The following TLN1 variants were observed in gnomAD, a reference collection of about 807,000 sequenced individuals.
The protein encoded by TLN1 is talin-1.
In TLN1, 56 loss-of-function variants were observed where a neutral mutation model predicts 292.3. That is an observed-to-expected ratio of 0.19 (90% CI 0.15 to 0.24). The LOEUF is 0.24. TLN1 is among the 10% of genes least tolerant of loss of function. The pLI, the probability that TLN1 is intolerant of heterozygous loss-of-function variation, is 1.00. For synonymous variants in TLN1, 1,119 were observed against 1,253.7 expected (o/e 0.89, Z 2.27); for missense variants, 2,433 against 3,248.2 (o/e 0.75, Z 6.10).
chr9:35,715,266 C>T lies in TLN1; in HGVS notation c.2626-79G>A, dbSNP rs1825757292. ...GAAGCTCCTCTCTCACTCCTCTAGA[C>T]TCAGTTTAAAATTCATGTATTTTCC... On this transcript the variant is annotated intron_variant, in intron 20 of 56. Coordinates refer to ENST00000314888, the MANE Select transcript of TLN1 (RefSeq NM_006289.4). 8.4e-6 allele frequency: 13 copies of T among 1,540,190 alleles called. No individual in the cohort carries two copies. The South Asian group carries it at 9.6e-5, about 11-fold the overall frequency.
At position 35,700,062 on chromosome 9, in the gene TLN1, T is replaced by C; in HGVS notation, c.6680A>G (p.Glu2227Gly). 6.2e-7 allele frequency: 1 copy of C among 1,612,826 alleles called. No individual in the cohort carries two copies. Among genetic ancestry groups the C allele is most frequent in the Non-Finnish European group, 8.5e-7 (1 of 1,179,100 alleles). ...TCGAAGCCGCACATCAGGGGCCACT[T>C]CTGGGTGGTAAGCTGCTTCCTGTCC... ...RACKEAAYHP[E>G]VAPDVRLRAL... is the part of the protein sequence containing the mutation. Residue 2227 changes from glutamate (E) to glycine (G), a missense_variant, in exon 50 of 57, where the codon GAA becomes GGA. By Grantham distance (98) the Glu-to-Gly change is moderately conservative. Around this residue, in one of 7 missense-constraint regions of TLN1, gnomAD observed 1,384 missense variants for 1,699.6 expected, o/e 0.81. Coordinates refer to ENST00000314888, the MANE Select transcript of TLN1 (RefSeq NM_006289.4).
intron 32 of TLN1, 23 bp from the exon 33 acceptor site, chr9:35,710,706 G>A (rs764312230): frequency 1.2e-6 from 2 of 1,613,924 alleles, no homozygotes; most frequent in South Asian, 1.1e-5. Context: ...GGACATCAGG[G>A]GAGTCAGAGC....
rs368624273 is a variant in TLN1, at chr9:35,714,661, C to T, written c.2898G>A (p.Leu966=). 226 of 1,613,942 alleles carry T rather than the reference C, an allele frequency of 1.4e-4. 2 individuals are homozygous for T. The South Asian group carries it at 1.9e-3, about 13-fold the overall frequency. The change falls in exon 23 of 57, where the codon CTG becomes CTA. Residue 966 remains leucine, a synonymous_variant. Coordinates refer to ENST00000314888, the MANE Select transcript of TLN1 (RefSeq NM_006289.4). The surrounding 1 kb of genome is among the most constrained non-coding windows in gnomAD (Gnocchi z 4.6). The part of the protein sequence containing the change: ...CKAVAEQIPL[L]VQGVRGSQAQ... ...CTTGGCTTCCTCGGACGCCCTGCACCAGCAGTGGAATCTGCTCTGCCACTG... is the reference window on the plus strand; with the variant it reads ...CTTGGCTTCCTCGGACGCCCTGCACTAGCAGTGGAATCTGCTCTGCCACTG...
chr9:35,703,441 T>C (rs1304038931), intron 48 of TLN1, 119 bp downstream of exon 48: 2 of 988,426 alleles, frequency 2.0e-6, no homozygotes, highest in Non-Finnish European at 1.6e-6. Flanking sequence ...AGTCTGGCGA[T>C]AGATGAGAGA....
intron 43 of TLN1, 108 bp downstream of exon 43, chr9:35,705,443 G>T: frequency 8.4e-7 from 1 of 1,192,074 alleles, no homozygotes; most frequent in Non-Finnish European, 1.2e-6. Flanking sequence ...CCCTGAGGCT[G>T]TTCCCCTTTC....
chr9:35,711,212 T>C (rs1825662304), intron 30 of TLN1, 43 bp downstream of exon 30: 1 of 1,611,938 alleles, frequency 6.2e-7, no homozygotes, highest in Non-Finnish European at 8.5e-7. Context: ...CTCCCCAGTC[T>C]CTCTCACACA....
chr9:35,716,263 C>T (rs1156768316), intron 20 of TLN1, 127 bp downstream of exon 20: 16 of 967,512 alleles, frequency 1.7e-5, no homozygotes, highest in Non-Finnish European at 1.9e-5. Flanking sequence ...TTCCTGAGTG[C>T]TCCTATATTT....
chr9:35,731,949 C>A (rs1826088611), intron 1 of TLN1, 126 bp downstream of exon 1: 1 of 152,504 alleles, frequency 6.6e-6, no homozygotes, highest in Admixed American at 6.5e-5. Flanking sequence ...CCGAGATGCG[C>A]TGGACGCTGA....
chr9:35,697,929 A>G lies in TLN1; in HGVS notation c.7501-13T>C, dbSNP rs757618944. On this transcript the variant is annotated splice_polypyrimidine_tract_variant and intron_variant, in intron 56 of 56. Transcript: ENST00000314888. ...GTGCTGCGATGATCTGAGGGTGGAG[A>G]TCGGGGACTTAGTTCAGTGAGGATG... 6.2e-7 allele frequency: 1 copy of G among 1,613,994 alleles called. No homozygotes were observed. Among genetic ancestry groups the G allele is most frequent in the Non-Finnish European group, 8.5e-7 (1 of 1,179,996 alleles).
rs147275602 is a variant in TLN1 at position 35,698,480 on chromosome 9, T to C, written c.7214A>G (p.Asn2405Ser). 61 of 1,613,988 alleles carry C rather than the reference T, an allele frequency of 3.8e-5. No individual in the cohort carries two copies. The highest frequency in any genetic ancestry group is 3.0e-4 in the Admixed American group (18 of 60,000). ...SAARMVAAATNNLCEAANAAV... is the reference protein window; with the variant it reads ...SAARMVAAATSNLCEAANAAV... ...TGCATTGGCTGCCTCACACAGATTG[T>C]TGGTGGCCGCAGCCACCATCCGGGC... is the stretch of plus-strand genomic sequence containing the variant. The change falls in exon 55 of 57, where the codon AAC becomes AGC. Residue 2405 changes from asparagine to serine, a missense_variant. Asn to Ser is a conservative substitution (Grantham distance 46, BLOSUM62 1). This residue lies in a region of TLN1 where 141 missense variants were observed against 248.5 expected (regional missense o/e 0.57). Transcript: ENST00000314888. This position sits in a 1 kb window ranked among gnomAD's most constrained non-coding sequence, Gnocchi z 5.3.
In TLN1 at chr9:35,715,078, T is replaced by C. The variant is rs1825753990; in HGVS notation, c.2735A>G (p.Lys912Arg). ...NAAAQNAIKKKLVQRLEHAAK... is the reference protein window; with the variant it reads ...NAAAQNAIKKRLVQRLEHAAK... The stretch of plus-strand genomic sequence containing the variant: ...CCTCACCTCCAGGCGCTGCACCAGC[T>C]TTTTCTTGATGGCATTCTGCGCAGC... The change falls in exon 21 of 57, where the codon AAG (lysine) becomes AGG (arginine). Residue 912 changes from lysine (K) to arginine (R), a missense_variant. Lys to Arg is a conservative substitution (Grantham distance 26). This residue lies in a region of TLN1 where 617 missense variants were observed against 770.6 expected (regional missense o/e 0.80). Coordinates refer to ENST00000314888, the MANE Select transcript of TLN1 (RefSeq NM_006289.4). The C allele has an allele frequency of 6.2e-7, 1 of 1,612,998 alleles. No individual in the cohort carries two copies. Among genetic ancestry groups the C allele is most frequent in the Non-Finnish European group, 8.5e-7 (1 of 1,180,046 alleles).
chr9:35,697,468 C>G lies in TLN1; in HGVS notation c.*323G>C. 2.9e-6 allele frequency: 1 copy of G among 350,352 alleles called. No individual in the cohort carries two copies. The highest frequency in any genetic ancestry group is 5.2e-6 in the Non-Finnish European group (1 of 191,028). The allele number at this position is 350,352 out of a possible 1,614,324, so 21.7% of individuals were successfully genotyped here. ...AAGAGAGCTGATGAGGCTGTGGGGACTGGCCGGAAGCTGCTGGCAGGGTGG... is the reference window on the plus strand; with the variant it reads ...AAGAGAGCTGATGAGGCTGTGGGGAGTGGCCGGAAGCTGCTGGCAGGGTGG... On this transcript the variant is annotated 3_prime_UTR_variant, in exon 57 of 57. Transcript: ENST00000314888.
Position 35,724,394 on chromosome 9 carries a change from CTGTT to C in TLN1, c.512-64_512-61del. 1.9e-6 allele frequency: 3 copies of C among 1,602,764 alleles called. No homozygotes were observed. Among genetic ancestry groups the C allele is most frequent in the Admixed American group, 3.4e-5 (2 of 59,424 alleles). On this transcript the variant is annotated intron_variant, in intron 5 of 56. Coordinates refer to ENST00000314888, the MANE Select transcript of TLN1 (RefSeq NM_006289.4). The surrounding 1 kb of genome is among the most constrained non-coding windows in gnomAD (Gnocchi z 4.7). ...CCATGGCCCCTGTGCTGTCTGGTCTCTGTTTATTTCTGCATTTCCTACCTCCCCT... is the reference window on the plus strand; with the variant it reads ...CCATGGCCCCTGTGCTGTCTGGTCTCTATTTCTGCATTTCCTACCTCCCCT...
Position 35,707,709 on chromosome 9 carries a change from T to G in TLN1, c.4632+22A>C. The stretch of plus-strand genomic sequence containing the variant: ...AAGATAGGACAGGTCAGGGAGAGGC[T>G]GGGAATTCAAGCAATGGGAACCTTG... On this transcript the variant is annotated intron_variant, in intron 35 of 56. Transcript: ENST00000314888. The surrounding 1 kb of genome is among the most constrained non-coding windows in gnomAD (Gnocchi z 5.6). 8 of 1,613,934 alleles carry G rather than the reference T, an allele frequency of 5.0e-6. No homozygotes were observed. Among genetic ancestry groups the G allele is most frequent in the Non-Finnish European group, 5.9e-6 (7 of 1,179,890 alleles).
At chr9:35,711,221 C>T (rs1825662429) in intron 30 of TLN1, 34 bp downstream of exon 30, 1 of 1,613,484 alleles carries the variant, frequency 6.2e-7, no homozygotes, top group Non-Finnish European at 8.5e-7. Context: ...CTCTCTCACA[C>T]AGTCCAGGGC....
intron 32 of TLN1, 30 bp from the exon 33 acceptor site, chr9:35,710,713 G>A: frequency 6.2e-7 from 1 of 1,613,706 alleles, no homozygotes; most frequent in Non-Finnish European, 8.5e-7. Context: ...AGGGGAGTCA[G>A]AGCATGTCCT....
chr9:35,729,894 G>A (rs955469178), intron 1 of TLN1, among the ~76,000 whole-genome samples: 2 of 152,112 alleles, frequency 1.3e-5, no homozygotes, highest in African/African-American at 4.8e-5. Context: ...TATATGATTA[G>A]TAGCCACTAG....
Position 35,719,062 on chromosome 9 carries a change from G to A in TLN1, c.1896+12C>T, listed in dbSNP as rs199701409. The A allele has an allele frequency of 8.1e-6, 13 of 1,608,016 alleles. No individual in the cohort carries two copies. The Admixed American group carries it at 2.2e-4, about 27-fold the overall frequency. ...CCTGTCTCCACCCTAACCCAAACCTGTGGCCCCTGACCTCAGCACTGGCTG... is the reference window on the plus strand; with the variant it reads ...CCTGTCTCCACCCTAACCCAAACCTATGGCCCCTGACCTCAGCACTGGCTG... On this transcript the variant is annotated intron_variant, in intron 16 of 56. Transcript: ENST00000314888. This position sits in a 1 kb window ranked among gnomAD's most constrained non-coding sequence, Gnocchi z 4.6.
At position 35,698,731 on chromosome 9, in the gene TLN1, A is replaced by G. The variant is rs777779750; in HGVS notation, c.7126-52T>C. On this transcript the variant is annotated intron_variant, in intron 53 of 56. Transcript: ENST00000314888. This position sits in a 1 kb window ranked among gnomAD's most constrained non-coding sequence, Gnocchi z 5.3. ...GACCTGCATTTTCCTCACTTCAAAG[A>G]CTCGCTGGCTATGGATGTGGATGTG... The G allele has an allele frequency of 1.1e-5, 18 of 1,613,750 alleles. No homozygotes were observed. In the East Asian group the frequency reaches 3.6e-4, roughly 32 times the overall value.
Sources: allele counts gnomAD v4.1 joint callset (sites outside exome capture counted in the v4.1 genomes callset), GRCh38; gene constraint gnomAD v4.1.1; regional missense constraint gnomAD v4.1.1; non-coding constraint Gnocchi (gnomAD v3.1); transcripts MANE v1.5; gene names NCBI Gene and HGNC (gene_info 2026-07-23, HGNC 2026-07-21).